Variants in DLG2 observed in about 807,000 individuals in gnomAD.
The protein encoded by DLG2 is discs large MAGUK scaffold protein 2.
A neutral mutation model predicts 132.5 loss-of-function variants in DLG2; 45 were observed. The observed-to-expected ratio is 0.34, with a 90% CI of 0.27 to 0.44. The LOEUF (loss-of-function observed/expected upper bound fraction) is 0.44, where lower values mean the gene tolerates loss of function less well. Ranked by LOEUF, DLG2 falls within the 20% of genes least tolerant of loss-of-function variation. The probability of loss-of-function intolerance (pLI) is 1.00; values close to 1 mark genes in which losing one functional copy is unlikely to be tolerated. For missense variants in DLG2, 1,045 were observed against 1,196.9 expected, an observed-to-expected ratio of 0.87 and a Z score of 1.87; for synonymous variants, 424 against 419.6, an observed-to-expected ratio of 1.01 and a Z score of -0.13.
chr11:84,504,951 T>C (rs2099234483), intron 7 of DLG2, among the ~76,000 whole-genome samples: 1 of 152,180 alleles, frequency 6.6e-6, no homozygotes, highest in African/African-American at 2.4e-5. Flanking sequence ...TTTGCTCGTA[T>C]TGCTATGTAA....
At chr11:83,842,109 C>G (rs2057673449) in intron 16 of DLG2, among the ~76,000 whole-genome samples, 1 of 152,000 alleles carries the variant, frequency 6.6e-6, no homozygotes, top group Non-Finnish European at 1.5e-5. Context: ...ATTATAAAAC[C>G]TTTGGATGCT....
chr11:84,824,209 C>T (rs2078053130), intron 6 of DLG2, among the ~76,000 whole-genome samples: 1 of 151,912 alleles, frequency 6.6e-6, no homozygotes, highest in Non-Finnish European at 1.5e-5. Flanking sequence ...AAGCTGTGTC[C>T]TTATCTTCTG....
chr11:85,476,093 C>A (rs761076441), intron 3 of DLG2, among the ~76,000 whole-genome samples: 1 of 152,068 alleles, frequency 6.6e-6, no homozygotes, highest in Non-Finnish European at 1.5e-5. Context: ...AGATGGTACA[C>A]CCTACTACAC....
chr11:83,966,192 G>C (rs1280231254), intron 12 of DLG2, among the ~76,000 whole-genome samples: 2 of 151,954 alleles, frequency 1.3e-5, no homozygotes, highest in African/African-American at 4.8e-5. Flanking sequence ...TTGATACCTA[G>C]TGTGAAAATG....
At chr11:84,152,307 C>G (rs2095315329) in intron 9 of DLG2, among the ~76,000 whole-genome samples, 1 of 145,944 alleles carries the variant, frequency 6.9e-6, no homozygotes, top group Admixed American at 7.0e-5. Context: ...TTCTTTGTCA[C>G]TTTTGACTTG....
intron 19 of DLG2, among the ~76,000 whole-genome samples, chr11:83,618,964 T>A (rs940142633): frequency 3.9e-5 from 6 of 152,162 alleles, no homozygotes; most frequent in Non-Finnish European, 7.3e-5. Flanking sequence ...TTCAGCTGGA[T>A]CCTCAAAGAC....
intron 7 of DLG2, among the ~76,000 whole-genome samples, chr11:84,453,849 T>C (rs2099058156): frequency 6.6e-6 from 1 of 151,640 alleles, no homozygotes; most frequent in African/African-American, 2.4e-5. Flanking sequence ...ATGGTCTCTG[T>C]TTTCCTTGGA....
intron 7 of DLG2, among the ~76,000 whole-genome samples, chr11:84,451,461 G>A (rs2154481156): frequency 6.6e-6 from 1 of 151,778 alleles, no homozygotes. Flanking sequence ...CTGTGCCTAG[G>A]GGGACATCCA....
chr11:85,269,796 T>G (rs780089038), intron 4 of DLG2, among the ~76,000 whole-genome samples: 5 of 152,330 alleles, frequency 3.3e-5, no homozygotes, highest in Admixed American at 1.3e-4. Context: ...GAACATAATC[T>G]ATCATTTTGA....
chr11:84,423,695 T>G (rs1404512211), intron 7 of DLG2, among the ~76,000 whole-genome samples: 1 of 151,936 alleles, frequency 6.6e-6, no homozygotes. Context: ...ATTGTTTAGA[T>G]TATCTTTTAA....
chr11:85,604,184 A>G (rs1273675243), intron 2 of DLG2, among the ~76,000 whole-genome samples: 2 of 152,202 alleles, frequency 1.3e-5, no homozygotes, highest in African/African-American at 4.8e-5. Flanking sequence ...CACATAAAAA[A>G]TGCTAAAATA....
At chr11:85,093,993 G>C (rs962723396) in intron 6 of DLG2, among the ~76,000 whole-genome samples, 1 of 152,200 alleles carries the variant, frequency 6.6e-6, no homozygotes, top group Non-Finnish European at 1.5e-5. Context: ...CAACTAATAT[G>C]ATGCAGCTAT....
intron 3 of DLG2, among the ~76,000 whole-genome samples, chr11:85,393,572 C>T (rs2086995841): frequency 6.6e-6 from 1 of 150,872 alleles, no homozygotes; most frequent in African/African-American, 2.4e-5. Context: ...GCCCAAATGC[C>T]CAACAATCAA....
chr11:84,719,521 C>T (rs2061567017), intron 6 of DLG2, among the ~76,000 whole-genome samples: 1 of 152,142 alleles, frequency 6.6e-6, no homozygotes, highest in African/African-American at 2.4e-5. Context: ...TGTTCAAACA[C>T]CAAGTTCTAT....
chr11:84,481,237 G>A (rs1331510591), intron 7 of DLG2, among the ~76,000 whole-genome samples: 1 of 151,776 alleles, frequency 6.6e-6, no homozygotes, highest in East Asian at 1.9e-4. Flanking sequence ...TTTTTATTTG[G>A]TATTTTATTC....
At chr11:84,919,813 C>A (rs946750082) in intron 6 of DLG2, among the ~76,000 whole-genome samples, 14 of 152,314 alleles carry the variant, frequency 9.2e-5, no homozygotes, top group Non-Finnish European at 1.8e-4. Context: ...AAGCTTCCTG[C>A]ATATTTTCTC....
intron 6 of DLG2, among the ~76,000 whole-genome samples, chr11:84,793,964 C>T (rs2074222927): frequency 6.6e-6 from 1 of 151,924 alleles, no homozygotes; most frequent in Non-Finnish European, 1.5e-5. Flanking sequence ...GTTTTGTGTT[C>T]TTCTCTTCTT....
At chr11:84,573,424 C>G (rs1391124041) in intron 6 of DLG2, among the ~76,000 whole-genome samples, 1 of 151,896 alleles carries the variant, frequency 6.6e-6, no homozygotes, top group Non-Finnish European at 1.5e-5. Context: ...ACATAAATGA[C>G]CGATTATTAG....
intron 3 of DLG2, among the ~76,000 whole-genome samples, chr11:85,410,697 G>C (rs546798998): frequency 6.6e-6 from 1 of 151,904 alleles, no homozygotes; most frequent in Admixed American, 6.6e-5. Context: ...GCATATTTAA[G>C]AAAATATGGT....
Sources: allele counts gnomAD v4.1 joint callset (sites outside exome capture counted in the v4.1 genomes callset), GRCh38; gene constraint gnomAD v4.1.1; transcripts MANE v1.5; gene names NCBI Gene and HGNC (gene_info 2026-07-23, HGNC 2026-07-21).